The following KCNH7 variants were observed in gnomAD, a reference collection of about 807,000 sequenced individuals.
KCNH7 encodes potassium voltage-gated channel subfamily H member 7.
KCNH7 carries 49 observed loss-of-function variants against 120.8 expected under a neutral mutation model. The observed-to-expected ratio is 0.41, with a 90% confidence interval of 0.32 to 0.51. KCNH7 has a LOEUF of 0.51. KCNH7 is among the 20% of genes least tolerant of loss of function. The probability of loss-of-function intolerance (pLI) is 0.38; values close to 1 mark genes in which losing one functional copy is unlikely to be tolerated. For synonymous variants in KCNH7, 547 were observed against 516.1 expected (o/e 1.06, Z -0.81); for missense variants, 1,097 against 1,446.6 (o/e 0.76, Z 3.92).
At chr2:162,448,751 A>C (rs540022623) in intron 6 of KCNH7, among the ~76,000 whole-genome samples, 1 of 152,038 alleles carries the variant, frequency 6.6e-6, no homozygotes, top group Non-Finnish European at 1.5e-5. Flanking sequence ...GCACACCTTC[A>C]TTTAACATTC....
At chr2:162,773,025 A>G (rs1026985625) in intron 2 of KCNH7, among the ~76,000 whole-genome samples, 8 of 152,224 alleles carry the variant, frequency 5.3e-5, no homozygotes, top group African/African-American at 1.9e-4. Context: ...ACCTCAAATG[A>G]TAAGTTCACC....
chr2:162,669,452 C>G (rs970544727), intron 2 of KCNH7, among the ~76,000 whole-genome samples: 4 of 152,164 alleles, frequency 2.6e-5, no homozygotes, highest in African/African-American at 9.7e-5. Context: ...AAGAAAACAA[C>G]TCTCAACATA....
chr2:162,816,547 G>A (rs1011997093), intron 2 of KCNH7, among the ~76,000 whole-genome samples: 1 of 152,184 alleles, frequency 6.6e-6, no homozygotes, highest in African/African-American at 2.4e-5. Flanking sequence ...ATCAAAACTT[G>A]ATACATCACC....
At chr2:162,790,159 T>G (rs1351925508) in intron 2 of KCNH7, among the ~76,000 whole-genome samples, 1 of 151,482 alleles carries the variant, frequency 6.6e-6, no homozygotes, top group Non-Finnish European at 1.5e-5. Context: ...GCATAACCAC[T>G]GATATCACAG....
chr2:162,483,093 T>C (rs1689982557), intron 6 of KCNH7, among the ~76,000 whole-genome samples: 1 of 152,190 alleles, frequency 6.6e-6, no homozygotes, highest in Non-Finnish European at 1.5e-5. Flanking sequence ...GAATGCAGGA[T>C]AAATTGCAAA....
chr2:162,605,295 A>C (rs917039732), intron 2 of KCNH7, among the ~76,000 whole-genome samples: 4 of 152,158 alleles, frequency 2.6e-5, no homozygotes, highest in African/African-American at 9.6e-5. Context: ...TCTTGGGCTG[A>C]GCATGGAAAG....
intron 6 of KCNH7, among the ~76,000 whole-genome samples, chr2:162,492,371 T>C (rs1690338709): frequency 6.6e-6 from 1 of 152,162 alleles, no homozygotes; most frequent in Admixed American, 6.5e-5. Context: ...TTGTTTTATG[T>C]CTTTGGGGGC....
chr2:162,743,314 G>C (rs1688203122), intron 2 of KCNH7, among the ~76,000 whole-genome samples: 1 of 151,894 alleles, frequency 6.6e-6, no homozygotes, highest in African/African-American at 2.4e-5. Flanking sequence ...TTTTAAAAAA[G>C]CTTCAGAAAG....
intron 1 of KCNH7, among the ~76,000 whole-genome samples, chr2:162,838,202 T>C (rs903657768): frequency 6.6e-6 from 1 of 152,194 alleles, no homozygotes; most frequent in Non-Finnish European, 1.5e-5. Flanking sequence ...AGGCAGATAA[T>C]GGAGCAGTGG....
At chr2:162,758,294 A>T (rs1482536621) in intron 2 of KCNH7, among the ~76,000 whole-genome samples, 1 of 152,162 alleles carries the variant, frequency 6.6e-6, no homozygotes, top group Non-Finnish European at 1.5e-5. Flanking sequence ...AGGACCCAGT[A>T]TAAGCAGCCA....
At chr2:162,537,641 TG>T (rs1218445639) in intron 2 of KCNH7, among the ~76,000 whole-genome samples, 1 of 152,156 alleles carries the variant, frequency 6.6e-6, no homozygotes, top group Non-Finnish European at 1.5e-5. Context: ...TGGTTTTGTT[TG>T]GTTTTTATTC....
At position 162,490,987 on chromosome 2, in the gene KCNH7, G is replaced by T. The variant is rs542684884; in HGVS notation, c.1128+13456C>A. Among the ~76,000 whole-genome samples, 115 of 152,238 alleles carry T rather than the reference G, an allele frequency of 7.6e-4. No homozygotes were observed. In the Middle Eastern group the frequency reaches 0.014, roughly 18 times the overall value. ...GCTCCAACCTCCCCTCCCAGCTGGG[G>T]TACATGGCTGTGTCTGCCACACACA... On this transcript the variant is annotated intron_variant, in intron 6 of 15. Transcript: ENST00000332142.
In KCNH7 at chr2:162,525,410, G is replaced by A. The variant is rs575129221; in HGVS notation, c.464-7252C>T. Among the ~76,000 whole-genome samples, 10 of 151,992 alleles carry A rather than the reference G, an allele frequency of 6.6e-5. No homozygotes were observed. In the East Asian group the frequency reaches 2.0e-3, roughly 30 times the overall value. On this transcript the variant is annotated intron_variant, in intron 3 of 15. Transcript: ENST00000332142. ...GCTGGGTCATCACAAGAGCAAAGAA[G>A]CCAGAAACATGAATTTGGATAAGGG...
intron 9 of KCNH7, among the ~76,000 whole-genome samples, chr2:162,417,866 C>T (rs1042640958): frequency 2.6e-5 from 4 of 152,090 alleles, no homozygotes; most frequent in African/African-American, 9.7e-5. Flanking sequence ...TTCATGTCAG[C>T]GGGCTCCAGA....
intron 3 of KCNH7, among the ~76,000 whole-genome samples, chr2:162,530,988 G>A (rs1038280098): frequency 6.6e-6 from 1 of 151,958 alleles, no homozygotes; most frequent in Non-Finnish European, 1.5e-5. Flanking sequence ...TATAATGACA[G>A]AAGGGTGTAA....
intron 4 of KCNH7, among the ~76,000 whole-genome samples, chr2:162,514,497 C>T (rs184911219): frequency 5.3e-5 from 8 of 151,902 alleles, no homozygotes; most frequent in Admixed American, 3.9e-4. Context: ...CCTTCCAAGG[C>T]AGAGTGTGGC....
chr2:162,379,334 A>G (rs1480735093), intron 14 of KCNH7, among the ~76,000 whole-genome samples: 1 of 152,206 alleles, frequency 6.6e-6, no homozygotes, highest in African/African-American at 2.4e-5. Flanking sequence ...ACTAAGATTT[A>G]TTCATCATGT....
chr2:162,663,601 T>A (rs998391698), intron 2 of KCNH7, among the ~76,000 whole-genome samples: 2 of 152,280 alleles, frequency 1.3e-5, no homozygotes, highest in East Asian at 3.9e-4. Context: ...AATAAAATGA[T>A]CAGCTGTCAA....
intron 3 of KCNH7, among the ~76,000 whole-genome samples, chr2:162,536,129 A>G (rs528336425): frequency 1.3e-5 from 2 of 151,986 alleles, no homozygotes; most frequent in South Asian, 2.1e-4. Context: ...AAAAATTCAG[A>G]TGCAATAAAG....
Sources: gnomAD v4.1 joint callset for allele counts (sites outside exome capture counted in the v4.1 genomes callset) on GRCh38, gnomAD v4.1.1 for gene constraint, MANE v1.5 for transcripts, NCBI Gene and HGNC (gene_info 2026-07-23, HGNC 2026-07-21) for gene names.